The following AGMO variants were observed in gnomAD, a reference collection of about 807,000 sequenced individuals.
AGMO encodes the protein alkylglycerol monooxygenase, also known as glyceryl-ether monooxygenase.
A neutral mutation model predicts 60.2 loss-of-function variants in AGMO; 75 were observed. The observed-to-expected ratio is 1.25, with a 90% CI of 1.03 to 1.51. AGMO has a LOEUF of 1.51. Among genes scored for constraint, AGMO ranks in the 40% most tolerant of loss-of-function variants. The probability of loss-of-function intolerance (pLI) is 0.00; values close to 1 mark genes in which losing one functional copy is unlikely to be tolerated. For missense variants in AGMO, 763 were observed against 525.5 expected (o/e 1.45, Z -4.42); for synonymous variants, 261 against 177.1 (o/e 1.47, Z -3.76).
chr7:15,529,505 A>C (rs1784219081), intron 3 of AGMO, among the ~76,000 whole-genome samples: 1 of 124,874 alleles, frequency 8.0e-6, no homozygotes, highest in Admixed American at 9.1e-5. Context: ...TCTAGTTCTT[A>C]GACTAGAATC....
intron 5 of AGMO, among the ~76,000 whole-genome samples, chr7:15,406,242 CA>C (rs1784681875): frequency 6.7e-6 from 1 of 149,132 alleles, no homozygotes; most frequent in Non-Finnish European, 1.5e-5. Flanking sequence ...CACACACACA[CA>C]CACACACACG....
intron 9 of AGMO, 151 bp downstream of exon 9, chr7:15,387,255 T>A (rs1328478704): frequency 3.6e-6 from 3 of 830,294 alleles, no homozygotes; most frequent in Non-Finnish European, 5.5e-6. Context: ...TGGTGGATAC[T>A]CATTAAGTAA....
intron 3 of AGMO, among the ~76,000 whole-genome samples, chr7:15,469,559 G>C (rs1782389830): frequency 6.6e-6 from 1 of 152,132 alleles, no homozygotes; most frequent in South Asian, 2.1e-4. Context: ...ACGCCCCATG[G>C]CAAGAGGTCA....
At chr7:15,467,890 A>G (rs978928642) in intron 3 of AGMO, among the ~76,000 whole-genome samples, 9 of 152,042 alleles carry the variant, frequency 5.9e-5, no homozygotes, top group South Asian at 2.1e-4. Context: ...TCAATATAGT[A>G]CGGCTCTGAA....
At chr7:15,285,663 A>G (rs1422772191) in intron 12 of AGMO, among the ~76,000 whole-genome samples, 2 of 152,114 alleles carry the variant, frequency 1.3e-5, no homozygotes, top group East Asian at 1.9e-4. Context: ...CAATCTACAG[A>G]TTCAATGCAA....
chr7:15,352,173 T>C (rs892291578), intron 12 of AGMO, among the ~76,000 whole-genome samples: 4 of 152,122 alleles, frequency 2.6e-5, no homozygotes, highest in Non-Finnish European at 5.9e-5. Context: ...AATCGAAAGA[T>C]CACCCCGCCA....
intron 3 of AGMO, among the ~76,000 whole-genome samples, chr7:15,534,352 T>G (rs1372957209): frequency 1.3e-5 from 2 of 151,978 alleles, no homozygotes; most frequent in Non-Finnish European, 2.9e-5. Flanking sequence ...ATTAAAAACT[T>G]CAAGTGTTGA....
chr7:15,299,159 A>G (rs1373848168), intron 12 of AGMO, among the ~76,000 whole-genome samples: 4 of 152,158 alleles, frequency 2.6e-5, no homozygotes, highest in Non-Finnish European at 5.9e-5. Context: ...GTTTTTTGCT[A>G]CATATGAGTT....
chr7:15,340,129 C>G (rs1205608762), intron 12 of AGMO, among the ~76,000 whole-genome samples: 1 of 152,120 alleles, frequency 6.6e-6, no homozygotes, highest in African/African-American at 2.4e-5. Flanking sequence ...GGATGGAACC[C>G]AAGCCTAAAC....
chr7:15,250,383 G>T (rs532120069), intron 12 of AGMO, among the ~76,000 whole-genome samples: 96 of 152,224 alleles, frequency 6.3e-4, no homozygotes, highest in South Asian at 3.5e-3. Flanking sequence ...GTAGCAAAAC[G>T]TGTGTAATTA....
At chr7:15,322,216 G>A (rs1472281926) in intron 12 of AGMO, among the ~76,000 whole-genome samples, 2 of 149,194 alleles carry the variant, frequency 1.3e-5, no homozygotes, top group Non-Finnish European at 3.0e-5. Context: ...CCTTGTTAAA[G>A]ATAAATATAT....
chr7:15,175,421 GA>G, the AGMO span, among the ~76,000 whole-genome samples: 1 of 151,916 alleles, frequency 6.6e-6, no homozygotes, highest in Non-Finnish European at 1.5e-5. Context: ...ATTTTGGGGG[GA>G]AAATTCATGT....
At chr7:15,494,862 C>T (rs1200790232) in intron 3 of AGMO, among the ~76,000 whole-genome samples, 1 of 152,186 alleles carries the variant, frequency 6.6e-6, no homozygotes, top group Non-Finnish European at 1.5e-5. Flanking sequence ...AAGCCTGTTG[C>T]AAAATTCCTT....
chr7:15,371,801 T>C (rs1434362145), intron 10 of AGMO, among the ~76,000 whole-genome samples: 1 of 152,140 alleles, frequency 6.6e-6, no homozygotes, highest in Non-Finnish European at 1.5e-5. Context: ...CCTCCCAATG[T>C]ACTGGGATTT....
intron 3 of AGMO, among the ~76,000 whole-genome samples, chr7:15,454,252 T>C (rs559311496): frequency 1.3e-5 from 2 of 152,128 alleles, no homozygotes; most frequent in Admixed American, 6.5e-5. Context: ...GTGGGGACTA[T>C]AGTTAACAAT....
At chr7:15,220,638 A>G (rs1781891421) in intron 12 of AGMO, among the ~76,000 whole-genome samples, 2 of 152,064 alleles carry the variant, frequency 1.3e-5, no homozygotes, top group South Asian at 2.1e-4. Flanking sequence ...CAGAAATAAT[A>G]TAAATCCAGT....
At chr7:15,507,621 T>C (rs116816641) in intron 3 of AGMO, among the ~76,000 whole-genome samples, 1,578 of 152,242 alleles carry the variant, frequency 0.01, 14 homozygotes, top group African/African-American at 0.035. Flanking sequence ...GCGTCATAAC[T>C]TTACTGCATC....
chr7:15,407,994 T>C (rs1376277352), intron 5 of AGMO, among the ~76,000 whole-genome samples: 1 of 151,848 alleles, frequency 6.6e-6, no homozygotes, highest in African/African-American at 2.4e-5. Context: ...AGAGTTAGTG[T>C]AAAGAAAAGT....
chr7:15,556,327 T>A (rs1206835823), intron 2 of AGMO, among the ~76,000 whole-genome samples: 1 of 151,182 alleles, frequency 6.6e-6, no homozygotes, highest in Non-Finnish European at 1.5e-5. Flanking sequence ...GATTGAACAT[T>A]GTGGAGCTAG....
Sources: allele counts gnomAD v4.1 joint callset (sites outside exome capture counted in the v4.1 genomes callset), GRCh38; gene constraint gnomAD v4.1.1; transcripts MANE v1.5; gene names NCBI Gene and HGNC (gene_info 2026-07-23, HGNC 2026-07-21).